Variants in USP42 observed in about 807,000 individuals in gnomAD.
USP42 encodes ubiquitin carboxyl-terminal hydrolase 42.
USP42 carries 23 observed loss-of-function variants against 113.0 expected under a neutral mutation model. That is an observed-to-expected ratio of 0.20 (90% CI 0.15 to 0.29). USP42 has a LOEUF of 0.29. Ranked by LOEUF, USP42 falls within the 10% of genes least tolerant of loss-of-function variation. USP42 has a pLI of 1.00. For synonymous variants in USP42, 933 were observed against 699.0 expected, an observed-to-expected ratio of 1.33 and a Z score of -5.28; for missense variants, 2,174 against 1,779.8, an observed-to-expected ratio of 1.22 and a Z score of -3.99.
intron 3 of USP42, among the ~76,000 whole-genome samples, chr7:6,130,814 G>T (rs1780811593): frequency 6.6e-6 from 1 of 152,164 alleles, no homozygotes; most frequent in Non-Finnish European, 1.5e-5. Context: ...TGCTCACAGG[G>T]CACACCATGC....
intron 15 of USP42, among the ~76,000 whole-genome samples, chr7:6,155,518 A>G (rs927299394): frequency 6.6e-6 from 1 of 152,176 alleles, no homozygotes; most frequent in African/African-American, 2.4e-5. Context: ...TCAATGAACA[A>G]TTGGGAGTCT....
rs569312315 is a variant in USP42 at position 6,147,862 on chromosome 7, C to T, written c.1356C>T (p.Ile452=). 5.3e-5 allele frequency: 86 copies of T among 1,612,204 alleles called. No homozygotes were observed. Among genetic ancestry groups the T allele is most frequent in the Non-Finnish European group, 7.0e-5 (82 of 1,178,856 alleles). Residue 452 remains isoleucine (I), a synonymous_variant, in exon 12 of 18, where the codon ATC becomes ATT. Coordinates refer to ENST00000306177, the MANE Select transcript of USP42 (RefSeq NM_032172.3). Reference sequence around the variant, plus strand: ...ACAAACAGGCTGCGCCAGGCTTTATCGGACCACAGCTTCCCTCTCACATGA... The same window carrying T: ...ACAAACAGGCTGCGCCAGGCTTTATTGGACCACAGCTTCCCTCTCACATGA... ...VTNKQAAPGF[I]GPQLPSHMIK... is the part of the protein sequence containing the mutation.
rs765430920 is a variant in USP42, at chr7:6,154,705, C to G, written c.3151C>G (p.Pro1051Ala). 9 of 1,599,280 alleles carry G rather than the reference C, an allele frequency of 5.6e-6. No homozygotes were observed. The highest frequency in any genetic ancestry group is 1.7e-4 in the Middle Eastern group (1 of 6,038). The stretch of plus-strand genomic sequence containing the variant: ...TGGCTGGGGCCGGGAGAAGTTCTAC[C>G]CCGACAGGCCGCGCTGGGACAGGTG... ...ERGWGREKFY[P>A]DRPRWDRCRY... is the part of the protein sequence containing the mutation. The change falls in exon 15 of 18, where the codon CCC (proline) becomes GCC (alanine). Residue 1051 changes from proline (P) to alanine (A), a missense_variant. Coordinates refer to ENST00000306177, the MANE Select transcript of USP42 (RefSeq NM_032172.3).
the USP42 span, among the ~76,000 whole-genome samples, chr7:6,082,562 G>A: frequency 2.6e-4 from 39 of 150,198 alleles, no homozygotes; most frequent in Non-Finnish European, 1.3e-4. Flanking sequence ...AGACCAGCCA[G>A]GGCAACATAA....
chr7:6,106,445 A>T (rs1156601765), intron 1 of USP42, among the ~76,000 whole-genome samples: 2 of 152,246 alleles, frequency 1.3e-5, no homozygotes, highest in Admixed American at 1.3e-4. Context: ...GCATTTGATA[A>T]CAAGGGAGAC....
intron 1 of USP42, among the ~76,000 whole-genome samples, chr7:6,107,700 C>T (rs757271216): frequency 6.6e-6 from 1 of 152,084 alleles, no homozygotes; most frequent in Admixed American, 6.6e-5. Flanking sequence ...TGAGCACCTG[C>T]GCCCGGCCTC....
Position 6,149,895 on chromosome 7 carries a change from T to C in USP42, c.1699T>C (p.Ser567Pro). 1 of 1,614,048 alleles carries C rather than the reference T, an allele frequency of 6.2e-7. No homozygotes were observed. The highest frequency in any genetic ancestry group is 8.5e-7 in the Non-Finnish European group (1 of 1,179,908). The change falls in exon 13 of 18, where the codon TCG becomes CCG. Residue 567 changes from serine to proline, a missense_variant. Coordinates refer to ENST00000306177, the MANE Select transcript of USP42 (RefSeq NM_032172.3). ...TACCAATTCTGCAGTACAGTCTACC[T>C]CGAACGCATCTACGATGTCAGTTTC... Reference protein sequence around the residue: ...TITNSAVQSTSNASTMSVSSK... With the variant: ...TITNSAVQSTPNASTMSVSSK...
rs1343983752 is a variant in USP42 at position 6,158,471 on chromosome 7, C to T, written c.3944-979C>T. ...TGTGGGTTAGGTGGAGCTGTGTGTT[C>T]TGGGGAAGGCCTGTCCCTCCCAGCA... On this transcript the variant is annotated intron_variant, in intron 16 of 17. Coordinates refer to ENST00000306177, the MANE Select transcript of USP42 (RefSeq NM_032172.3). The surrounding 1 kb of genome is among the most constrained non-coding windows in gnomAD (Gnocchi z 4.2). 6.7e-6 allele frequency among the ~76,000 whole-genome samples: 1 copy of T among 150,008 alleles called. No homozygotes were observed. Among genetic ancestry groups the T allele is most frequent in the Non-Finnish European group, 1.5e-5 (1 of 67,954 alleles).
intron 3 of USP42, among the ~76,000 whole-genome samples, chr7:6,117,889 A>T (rs1780003262): frequency 6.6e-6 from 1 of 152,174 alleles, no homozygotes; most frequent in Admixed American, 6.6e-5. Context: ...CTTTGCTAAA[A>T]TGCCTGTTGA....
At chr7:6,152,756 G>A (rs950108791) in intron 14 of USP42, among the ~76,000 whole-genome samples, 3 of 152,204 alleles carry the variant, frequency 2.0e-5, no homozygotes, top group African/African-American at 7.2e-5. Context: ...CGAAAGCTCT[G>A]CGGGAATCAA....
chr7:6,088,587 T>C, the USP42 span, among the ~76,000 whole-genome samples: 1 of 151,166 alleles, frequency 6.6e-6, no homozygotes, highest in Admixed American at 6.6e-5. Flanking sequence ...TTGACAATCC[T>C]TCTTTGCTCC....
At position 6,158,129 on chromosome 7, in the gene USP42, CAA is replaced by C. The variant is rs1285200302; in HGVS notation, c.3943+1075_3943+1076del. The stretch of plus-strand genomic sequence containing the variant: ...AGTGGTTGGAAATAATCCCAAAGAA[CAA>C]TGCGTTTCACATGAAAATGATGTGA... On this transcript the variant is annotated intron_variant, in intron 16 of 17. Transcript: ENST00000306177. The surrounding 1 kb of genome is among the most constrained non-coding windows in gnomAD (Gnocchi z 4.2). Among the ~76,000 whole-genome samples, 2 of 152,196 alleles carry C rather than the reference CAA, an allele frequency of 1.3e-5. No individual in the cohort carries two copies. The highest frequency in any genetic ancestry group is 4.8e-5 in the African/African-American group (2 of 41,452).
At chr7:6,084,053 G>T in the USP42 span, among the ~76,000 whole-genome samples, 1 of 151,286 alleles carries the variant, frequency 6.6e-6, no homozygotes, top group Non-Finnish European at 1.5e-5. Context: ...TTGAGACAGA[G>T]TCTCGCTCTG....
At position 6,154,952 on chromosome 7, in the gene USP42, C is replaced by G. The variant is rs368302807; in HGVS notation, c.3398C>G (p.Ser1133Cys). Residue 1133 changes from serine (S) to cysteine (C), a missense_variant, in exon 15 of 18, where the codon TCC becomes TGC. Transcript: ENST00000306177. ...HALAPHPDRFSHDRTALVAGD... is the reference protein window; with the variant it reads ...HALAPHPDRFCHDRTALVAGD... Reference sequence around the variant, plus strand: ...CTCGCCCCGCACCCCGACCGCTTCTCCCACGACAGAACTGCACTTGTAGCC... The same window carrying G: ...CTCGCCCCGCACCCCGACCGCTTCTGCCACGACAGAACTGCACTTGTAGCC... The G allele has an allele frequency of 1.0e-5, 16 of 1,556,062 alleles. No individual in the cohort carries two copies. The highest frequency in any genetic ancestry group is 1.3e-5 in the Non-Finnish European group (15 of 1,149,510).
In USP42 at chr7:6,144,192, C is replaced by A; in HGVS notation, c.986C>A (p.Ala329Asp). The A allele has an allele frequency of 6.3e-7, 1 of 1,580,596 alleles. No homozygotes were observed. Among genetic ancestry groups the A allele is most frequent in the Non-Finnish European group, 8.6e-7 (1 of 1,163,356 alleles). ...GCAAATTTTACCGGTGGAAAAATTG[C>A]TAAGGTATGTGGATGATGTCATTAA... ...RFANFTGGKIAKDVKYPEYLD... is the reference protein window; with the variant it reads ...RFANFTGGKIDKDVKYPEYLD... The change falls in exon 9 of 18, where the codon GCT (alanine) becomes GAT (aspartate). Residue 329 changes from alanine to aspartate, a missense_variant. By Grantham distance (126) the Ala-to-Asp change is moderately radical. Coordinates refer to ENST00000306177, the MANE Select transcript of USP42 (RefSeq NM_032172.3).
chr7:6,091,977 T>TC, the USP42 span, among the ~76,000 whole-genome samples: 913 of 135,556 alleles, frequency 6.7e-3, 18 homozygotes, highest in Middle Eastern at 0.019. Context: ...AGGACGTATT[T>TC]TTTCTTCTTC....
chr7:6,093,802 T>A, the USP42 span, among the ~76,000 whole-genome samples: 1 of 151,226 alleles, frequency 6.6e-6, no homozygotes, highest in Non-Finnish European at 1.5e-5. Context: ...CTTCTTTGTT[T>A]TTTTCATAGT....
the USP42 span, among the ~76,000 whole-genome samples, chr7:6,093,357 C>T: frequency 2.0e-5 from 3 of 150,030 alleles, no homozygotes; most frequent in Admixed American, 6.6e-5. Flanking sequence ...AGGATTTCAG[C>T]TCACTGCAAC....
intron 7 of USP42, among the ~76,000 whole-genome samples, chr7:6,142,069 G>A (rs1179149506): frequency 6.6e-6 from 1 of 152,022 alleles, no homozygotes; most frequent in Non-Finnish European, 1.5e-5. Flanking sequence ...TATTTGGTTT[G>A]CTTCCAGTTT....
Sources: gnomAD v4.1 joint callset for allele counts (sites outside exome capture counted in the v4.1 genomes callset) on GRCh38, gnomAD v4.1.1 for gene constraint, Gnocchi (gnomAD v3.1) non-coding constraint, MANE v1.5 for transcripts, NCBI Gene and HGNC (gene_info 2026-07-23, HGNC 2026-07-21) for gene names.